The following GLRX3 variants were observed in gnomAD, a reference collection of about 807,000 sequenced individuals.
GLRX3 encodes glutaredoxin-3.
GLRX3 carries 22 observed loss-of-function variants against 49.5 expected under a neutral mutation model. That is an observed-to-expected ratio of 0.44 (90% confidence interval 0.32 to 0.63). The LOEUF is 0.63. Ranked by LOEUF, GLRX3 falls within the 30% of genes least tolerant of loss-of-function variation. GLRX3 has a pLI of 0.05. For synonymous variants in GLRX3, 133 were observed against 140.0 expected, an observed-to-expected ratio of 0.95 and a Z score of 0.35; for missense variants, 385 against 396.3, an observed-to-expected ratio of 0.97 and a Z score of 0.24.
At chr10:130,138,042 G>C (rs1564984997) in intron 1 of GLRX3, among the ~76,000 whole-genome samples, 1 of 152,000 alleles carries the variant, frequency 6.6e-6, no homozygotes, top group Non-Finnish European at 1.5e-5. Context: ...GGCCAGAAAT[G>C]CTTATTGATC....
Position 130,144,563 on chromosome 10 carries a change from T to C in GLRX3, c.93-648T>C, listed in dbSNP as rs531828653. ...TATGAATGAGAACATGCAATGTTTG[T>C]TTTTCTGTTCCTGTGTTAGTTTACT... On this transcript the variant is annotated intron_variant, in intron 1 of 10. Transcript: ENST00000331244. 6.4e-4 allele frequency among the ~76,000 whole-genome samples: 98 copies of C among 152,168 alleles called. 1 individual carries two copies. Among genetic ancestry groups the C allele is most frequent in the Non-Finnish European group, 1.2e-3 (82 of 68,012 alleles).
intron 1 of GLRX3, among the ~76,000 whole-genome samples, chr10:130,138,853 T>TC: frequency 6.8e-6 from 1 of 146,658 alleles, no homozygotes; most frequent in Middle Eastern, 3.6e-3. Flanking sequence ...AAGTGTTTTT[T>TC]TTTTTTTTTT....
intron 1 of GLRX3, 150 bp from the exon 2 acceptor site, chr10:130,145,061 G>A (rs1862245079): frequency 2.2e-6 from 1 of 463,662 alleles, no homozygotes; most frequent in Non-Finnish European, 3.9e-6. Context: ...TTATGTTCCA[G>A]TGTTGTATAC....
At chr10:130,171,703 C>A in intron 8 of GLRX3, 67 bp downstream of exon 8, 2 of 876,328 alleles carry the variant, frequency 2.3e-6, no homozygotes, top group South Asian at 1.3e-5. Flanking sequence ...TAGTGGCTCA[C>A]GTCTATAATC....
In GLRX3 at chr10:130,179,627, G is replaced by A. The variant is rs1590077860; in HGVS notation, c.*235G>A. On this transcript the variant is annotated 3_prime_UTR_variant, in exon 11 of 11. Transcript: ENST00000331244. ...TTAACAATAATTGTATGAAAAAAGTGTATCTTTACAGCAGTATTAAACATA... is the reference window on the plus strand; with the variant it reads ...TTAACAATAATTGTATGAAAAAAGTATATCTTTACAGCAGTATTAAACATA... 4 of 468,800 alleles carry A rather than the reference G, an allele frequency of 8.5e-6. No homozygotes were observed. Among genetic ancestry groups the A allele is most frequent in the Non-Finnish European group, 1.5e-5 (4 of 261,460 alleles). 29.0% of individuals were successfully genotyped at this position (468,800 alleles called of 1,614,324 possible). A position where few individuals can be genotyped will look rare whatever the true frequency, so the allele number is the denominator to read the frequency against.
At chr10:130,145,661 CTAAA>C (rs758674493) in intron 2 of GLRX3, among the ~76,000 whole-genome samples, 1 of 151,396 alleles carries the variant, frequency 6.6e-6, no homozygotes, top group Non-Finnish European at 1.5e-5. Context: ...GACGCTGTCT[CTAAA>C]TAAATAAATA....
At chr10:130,160,759 A>C (rs764630324) in intron 3 of GLRX3, 37 bp from the exon 4 acceptor site, 2 of 1,086,534 alleles carry the variant, frequency 1.8e-6, no homozygotes, top group South Asian at 2.5e-5. Context: ...TTATTATGGA[A>C]TGCTGCATGT....
Position 130,171,649 on chromosome 10 carries a change from T to A in GLRX3, c.824+13T>A, listed in dbSNP as rs757047093. 7.4e-7 allele frequency: 1 copy of A among 1,358,224 alleles called. No homozygotes were observed. Among genetic ancestry groups the A allele is most frequent in the Non-Finnish European group, 1.1e-6 (1 of 947,188 alleles). The allele number at this position is 1,358,224 out of a possible 1,614,324, so 84.1% of individuals were successfully genotyped here. A position where few individuals can be genotyped will look rare whatever the true frequency, so the allele number is the denominator to read the frequency against. Reference sequence around the variant, plus strand: ...TAAATAGTACTGGGTATGTAAATGTTGTTTTCAAATGGTGTATTAAAAAAA... The same window carrying A: ...TAAATAGTACTGGGTATGTAAATGTAGTTTTCAAATGGTGTATTAAAAAAA... On this transcript the variant is annotated intron_variant, in intron 8 of 10. Coordinates refer to ENST00000331244, the MANE Select transcript of GLRX3 (RefSeq NM_006541.5).
intron 10 of GLRX3, among the ~76,000 whole-genome samples, chr10:130,176,806 A>G (rs938417800): frequency 1.9e-4 from 26 of 135,620 alleles, no homozygotes; most frequent in African/African-American, 2.5e-4. Flanking sequence ...ATATATATAT[A>G]TAGTCTTATT....
intron 10 of GLRX3, among the ~76,000 whole-genome samples, chr10:130,178,841 T>A (rs1037287445): frequency 2.0e-5 from 3 of 152,062 alleles, no homozygotes; most frequent in Non-Finnish European, 4.4e-5. Flanking sequence ...GTAGCTGGGA[T>A]TACAGGTGCC....
chr10:130,160,767 T>A (rs971841932), intron 3 of GLRX3, 29 bp from the exon 4 acceptor site: 8 of 1,164,116 alleles, frequency 6.9e-6, no homozygotes, highest in Non-Finnish European at 1.0e-5. Context: ...GAATGCTGCA[T>A]GTATTCTAAA....
rs1862546338 is a variant in GLRX3, at chr10:130,160,176, T to C, written c.276+107T>C. ...AATCCCCGAATATTAGGTGTTTGGC[T>C]GTTTCTGGCCCTCCACCTTTCTTCT... is the stretch of plus-strand genomic sequence containing the variant. On this transcript the variant is annotated intron_variant, in intron 3 of 10. Transcript: ENST00000331244. The C allele has an allele frequency of 2.4e-5, 17 of 698,030 alleles. No individual in the cohort carries two copies. In the South Asian group the frequency reaches 2.7e-4, roughly 11 times the overall value. 43.2% of individuals were successfully genotyped at this position (698,030 alleles called of 1,614,324 possible). A position where few individuals can be genotyped will look rare whatever the true frequency, so the allele number is the denominator to read the frequency against.
At chr10:130,167,877 A>G (rs191808242) in intron 6 of GLRX3, among the ~76,000 whole-genome samples, 1 of 152,326 alleles carries the variant, frequency 6.6e-6, no homozygotes, top group African/African-American at 2.4e-5. Context: ...CTTCATGAGA[A>G]AATGATACTC....
intron 2 of GLRX3, among the ~76,000 whole-genome samples, chr10:130,154,344 C>G (rs965763273): frequency 6.6e-6 from 1 of 152,200 alleles, no homozygotes; most frequent in African/African-American, 2.4e-5. Context: ...GCTGCACCCA[C>G]TGTCCAACCA....
chr10:130,174,694 A>G (rs907363183), intron 8 of GLRX3, among the ~76,000 whole-genome samples, 173 bp from the exon 9 acceptor site: 10 of 152,218 alleles, frequency 6.6e-5, no homozygotes, highest in African/African-American at 2.2e-4. Flanking sequence ...TGGAATGACT[A>G]ATTCTGTGTA....
At chr10:130,149,441 C>CA (rs57634103) in intron 2 of GLRX3, among the ~76,000 whole-genome samples, 15,412 of 127,872 alleles carry the variant, frequency 0.12, 1,235 homozygotes, top group African/African-American at 0.25. Context: ...GACTCCGTCT[C>CA]AAAAAAAAAA....
intron 5 of GLRX3, 64 bp from the exon 6 acceptor site, chr10:130,166,855 A>G (rs2134913583): frequency 2.8e-6 from 3 of 1,067,564 alleles, no homozygotes; most frequent in South Asian, 1.3e-5. Context: ...GTGTTATGGT[A>G]TGATCAAGGA....
chr10:130,166,470 G>C (rs748463632), intron 4 of GLRX3, 37 bp from the exon 5 acceptor site: 3 of 1,524,948 alleles, frequency 2.0e-6, no homozygotes, highest in Non-Finnish European at 2.7e-6. Flanking sequence ...TTTTGGGAGA[G>C]AGAAGTTAAG....
At chr10:130,174,133 A>G (rs1862868920) in intron 8 of GLRX3, among the ~76,000 whole-genome samples, 1 of 152,244 alleles carries the variant, frequency 6.6e-6, no homozygotes, top group Non-Finnish European at 1.5e-5. Context: ...TGTATGGTAT[A>G]AAGCCACAAA....
Sources: allele counts gnomAD v4.1 joint callset (sites outside exome capture counted in the v4.1 genomes callset), GRCh38; gene constraint gnomAD v4.1.1; transcripts MANE v1.5; gene names NCBI Gene and HGNC (gene_info 2026-07-23, HGNC 2026-07-21).